The following RCE1 variants were observed in gnomAD, a reference collection of about 807,000 sequenced individuals.
RCE1 encodes the protein Ras converting CAAX endopeptidase 1, also known as CAAX prenyl protease 2.
Under a neutral mutation model 35.0 loss-of-function variants are expected in RCE1, and 15 were observed. The observed-to-expected ratio is 0.43, with a 90% CI of 0.29 to 0.66. The LOEUF (loss-of-function observed/expected upper bound fraction) is 0.66. Among genes scored for constraint, RCE1 ranks in the 30% least tolerant of loss-of-function variants. The probability of loss-of-function intolerance (pLI) is 0.17; values close to 1 mark genes in which losing one functional copy is unlikely to be tolerated. For synonymous variants in RCE1, 261 were observed against 192.7 expected, an observed-to-expected ratio of 1.35 and a Z score of -2.94; for missense variants, 434 against 433.0, an observed-to-expected ratio of 1.00 and a Z score of -0.02.
chr11:66,843,821 C>T lies in RCE1; in HGVS notation c.248C>T (p.Pro83Leu), dbSNP rs765013990. The change falls in exon 2 of 8, where the codon CCC (proline) becomes CTC (leucine). Residue 83 changes from proline to leucine, a missense_variant. Coordinates refer to ENST00000309657, the MANE Select transcript of RCE1 (RefSeq NM_005133.3). ...GTCCTGGTGGTGTCCAGTCTCTCAC[C>T]CCTGTGCGTGCTGCTCTGGAGGGAA... is the stretch of plus-strand genomic sequence containing the variant. Reference protein sequence around the residue: ...TSVLVVSSLSPLCVLLWRELT... With the variant: ...TSVLVVSSLSLLCVLLWRELT... 7 of 1,614,102 alleles carry T rather than the reference C, an allele frequency of 4.3e-6. No individual in the cohort carries two copies. The highest frequency in any genetic ancestry group is 2.7e-5 in the African/African-American group (2 of 75,068).
chr11:66,843,755 G>T lies in RCE1; in HGVS notation c.186-4G>T, dbSNP rs777260015. ...GCCCCCTGAACTTACTGTCCCCTCC[G>T]TAGGGACCATCCCGCGGTCATCAAG... On this transcript the variant is annotated splice_polypyrimidine_tract_variant and splice_region_variant and intron_variant, in intron 1 of 7. Coordinates refer to ENST00000309657, the MANE Select transcript of RCE1 (RefSeq NM_005133.3). 11 of 1,613,328 alleles carry T rather than the reference G, an allele frequency of 6.8e-6. No homozygotes were observed. Among genetic ancestry groups the T allele is most frequent in the Non-Finnish European group, 9.3e-6 (11 of 1,179,924 alleles).
In RCE1 at chr11:66,844,820, ACTGT is replaced by A. The variant is rs774208661; in HGVS notation, c.452-45_452-42del. 1.4e-5 allele frequency: 21 copies of A among 1,496,400 alleles called. No individual in the cohort carries two copies. The Admixed American group carries it at 1.7e-4, about 12-fold the overall frequency. The allele number at this position is 1,496,400 out of a possible 1,614,324, so 92.7% of individuals were successfully genotyped here. A position where few individuals can be genotyped will look rare whatever the true frequency, so the allele number is the denominator to read the frequency against. On this transcript the variant is annotated intron_variant, in intron 4 of 7. Transcript: ENST00000309657. The stretch of plus-strand genomic sequence containing the variant: ...GAGCCCTTGGAGCCTCTGGGGTCTC[ACTGT>A]CTGACAGCCCGTCACTCACAGCTTG...
At position 66,845,214 on chromosome 11, in the gene RCE1, T is replaced by TG; in HGVS notation, c.672dup (p.Asn225GlufsTer144). On this transcript the variant is annotated frameshift_variant, in exon 6 of 8. Transcript: ENST00000309657. LOFTEE classifies it high-confidence loss of function. ...CAGCTGCGTTTCCGCCAGAGCAGCG[T>TG]GGGGAACATCTTCTTGTCTGCTGGT... 6.2e-7 allele frequency: 1 copy of TG among 1,614,216 alleles called. No individual in the cohort carries two copies. The highest frequency in any genetic ancestry group is 8.5e-7 in the Non-Finnish European group (1 of 1,180,036).
rs1945208376 is a variant in RCE1 at position 66,846,286 on chromosome 11, A to G, written c.*191A>G. ...TATCCAAAGGGTGCAGCCCCTTTTG[A>G]AAGGGGTGTTTACGAGCAGCTGTGA... On this transcript the variant is annotated 3_prime_UTR_variant, in exon 8 of 8. Coordinates refer to ENST00000309657, the MANE Select transcript of RCE1 (RefSeq NM_005133.3). The G allele has an allele frequency of 5.7e-6, 4 of 697,128 alleles. No individual in the cohort carries two copies. The highest frequency in any genetic ancestry group is 6.7e-6 in the Non-Finnish European group (3 of 444,760). The allele number at this position is 697,128 out of a possible 1,614,324, so 43.2% of individuals were successfully genotyped here.
rs1945213102 is a variant in RCE1, at chr11:66,846,505, T to TAA, written c.*412_*413dup. On this transcript the variant is annotated 3_prime_UTR_variant, in exon 8 of 8. Coordinates refer to ENST00000309657, the MANE Select transcript of RCE1 (RefSeq NM_005133.3). Reference sequence around the variant, plus strand: ...GCATCAGTACTTTGTATTGGGATATTAAAGAGATTTAACTTGGGTAACATG... The same window carrying TAA: ...GCATCAGTACTTTGTATTGGGATATTAAAAAGAGATTTAACTTGGGTAACATG... 1 of 158,814 alleles carries TAA rather than the reference T, an allele frequency of 6.3e-6. No homozygotes were observed. The highest frequency in any genetic ancestry group is 1.3e-5 in the Non-Finnish European group (1 of 74,862). 9.8% of individuals were successfully genotyped at this position (158,814 alleles called of 1,614,324 possible).
Position 66,843,820 on chromosome 11 carries a change from C to A in RCE1, c.247C>A (p.Pro83Thr). The change falls in exon 2 of 8, where the codon CCC becomes ACC. Residue 83 changes from proline to threonine, a missense_variant. By Grantham distance (38) the Pro-to-Thr change is conservative. Transcript: ENST00000309657. ...TSVLVVSSLS[P>T]LCVLLWRELT... ...CGTCCTGGTGGTGTCCAGTCTCTCACCCCTGTGCGTGCTGCTCTGGAGGGA... is the reference window on the plus strand; with the variant it reads ...CGTCCTGGTGGTGTCCAGTCTCTCAACCCTGTGCGTGCTGCTCTGGAGGGA... 1 of 1,614,078 alleles carries A rather than the reference C, an allele frequency of 6.2e-7. No individual in the cohort carries two copies. Among genetic ancestry groups the A allele is most frequent in the Non-Finnish European group, 8.5e-7 (1 of 1,180,030 alleles).
chr11:66,844,420 C>T (rs1050044797), intron 4 of RCE1, 56 bp downstream of exon 4: 23 of 1,602,440 alleles, frequency 1.4e-5, no homozygotes, highest in East Asian at 2.2e-5. Flanking sequence ...GACATTGGGG[C>T]AGGGAGTCAG....
chr11:66,844,609 C>A, intron 4 of RCE1: 1 of 725,554 alleles, frequency 1.4e-6, no homozygotes, highest in African/African-American at 1.8e-5. Flanking sequence ...CCCCTGCTTC[C>A]CCAACCAGAG....
At chr11:66,844,256 G>A (rs1295890955) in intron 3 of RCE1, 30 bp from the exon 4 acceptor site, 1 of 1,614,072 alleles carries the variant, frequency 6.2e-7, no homozygotes, top group South Asian at 1.1e-5. Context: ...AAAGCGGTGG[G>A]TTATGGTGAA....
intron 6 of RCE1, 118 bp downstream of exon 6, chr11:66,845,355 G>A (rs1056954597): frequency 3.2e-6 from 5 of 1,583,336 alleles, no homozygotes; most frequent in Non-Finnish European, 4.3e-6. Flanking sequence ...ACCGTGGGAA[G>A]TTGGGGTGCA....
intron 3 of RCE1, 74 bp from the exon 4 acceptor site, chr11:66,844,211 TG>T: frequency 1.9e-6 from 3 of 1,606,006 alleles, no homozygotes; most frequent in Non-Finnish European, 1.7e-6. Flanking sequence ...ATTTCAAGCT[TG>T]GAGTCTCAGG....
chr11:66,845,991 C>G lies in RCE1; in HGVS notation c.886C>G (p.Leu296Val), dbSNP rs534865356. 4 of 1,613,948 alleles carry G rather than the reference C, an allele frequency of 2.5e-6. No homozygotes were observed. Among genetic ancestry groups the G allele is most frequent in the African/African-American group, 2.7e-5 (2 of 75,070 alleles). ...CTATGCCCTGGGTGTGGGACTCTTCCTGCTTCTGCTCCAGCCCCTCACGGA... is the reference window on the plus strand; with the variant it reads ...CTATGCCCTGGGTGTGGGACTCTTCGTGCTTCTGCTCCAGCCCCTCACGGA... ...AGYALGVGLF[L>V]LLLQPLTDPK... Residue 296 changes from leucine to valine, a missense_variant, in exon 8 of 8, where the codon CTG becomes GTG. Transcript: ENST00000309657.
Position 66,844,869 on chromosome 11 carries a change from C to A in RCE1, c.452C>A (p.Ala151Asp). 1 of 1,526,832 alleles carries A rather than the reference C, an allele frequency of 6.5e-7. No individual in the cohort carries two copies. The allele number at this position is 1,526,832 out of a possible 1,614,324, so 94.6% of individuals were successfully genotyped here. Residue 151 changes from alanine to aspartate, a missense_variant and splice_region_variant, in exon 5 of 8, where the codon GCC becomes GAC. Ala to Asp is a moderately radical substitution (Grantham distance 126). Coordinates refer to ENST00000309657, the MANE Select transcript of RCE1 (RefSeq NM_005133.3). ...DLADGLKVVL[A>D]PRSWARCLTD... Reference sequence around the variant, plus strand: ...AGCTTGTCCTGAATTCCCTCTGCAGCCCCCCGCTCCTGGGCCCGCTGCCTC... The same window carrying A: ...AGCTTGTCCTGAATTCCCTCTGCAGACCCCCGCTCCTGGGCCCGCTGCCTC...
intron 3 of RCE1, 76 bp from the exon 4 acceptor site, chr11:66,844,210 T>C: frequency 6.2e-7 from 1 of 1,605,872 alleles, no homozygotes; most frequent in East Asian, 2.2e-5. Context: ...GATTTCAAGC[T>C]TGGAGTCTCA....
rs1696382328 is a variant in RCE1 at position 66,846,166 on chromosome 11, G to C, written c.*71G>C. 2.0e-6 allele frequency: 3 copies of C among 1,498,792 alleles called. No homozygotes were observed. Among genetic ancestry groups the C allele is most frequent in the Non-Finnish European group, 2.7e-6 (3 of 1,129,414 alleles). The allele number at this position is 1,498,792 out of a possible 1,614,324, so 92.8% of individuals were successfully genotyped here. ...CTCCCCACCAAGGGGTACTGCAGGGGAAGGGCTGGCTGGGGTCCCCGAGAT... is the reference window on the plus strand; with the variant it reads ...CTCCCCACCAAGGGGTACTGCAGGGCAAGGGCTGGCTGGGGTCCCCGAGAT... On this transcript the variant is annotated 3_prime_UTR_variant, in exon 8 of 8. Coordinates refer to ENST00000309657, the MANE Select transcript of RCE1 (RefSeq NM_005133.3).
At position 66,845,226 on chromosome 11, in the gene RCE1, T is replaced by C; in HGVS notation, c.680T>C (p.Phe227Ser). The C allele has an allele frequency of 6.2e-7, 1 of 1,614,224 alleles. No homozygotes were observed. Among genetic ancestry groups the C allele is most frequent in the Non-Finnish European group, 8.5e-7 (1 of 1,180,042 alleles). ...RFRQSSVGNI[F>S]LSAAFQFSYT... The stretch of plus-strand genomic sequence containing the variant: ...CGCCAGAGCAGCGTGGGGAACATCT[T>C]CTTGTCTGCTGGTGAGTCCTGGCTA... Residue 227 changes from phenylalanine to serine, a missense_variant, in exon 6 of 8, where the codon TTC (phenylalanine) becomes TCC (serine). Transcript: ENST00000309657.
Position 66,844,982 on chromosome 11 carries a change from C to T in RCE1, c.565C>T (p.Pro189Ser), listed in dbSNP as rs755690406. 2.5e-6 allele frequency: 4 copies of T among 1,606,000 alleles called. No individual in the cohort carries two copies. The highest frequency in any genetic ancestry group is 2.7e-5 in the African/African-American group (2 of 74,696). The change falls in exon 5 of 8, where the codon CCG (proline) becomes TCG (serine). Residue 189 changes from proline (P) to serine (S), a missense_variant. Pro to Ser is a moderately conservative substitution (Grantham distance 74). Coordinates refer to ENST00000309657, the MANE Select transcript of RCE1 (RefSeq NM_005133.3). Reference protein sequence around the residue: ...FRACMLPMLAPCMGLGPAVFT... With the variant: ...FRACMLPMLASCMGLGPAVFT... ...GGCCTGTATGCTGCCCATGTTAGCA[C>T]CGTGCATGGGCCTGGGCCCTGCTGT...
At chr11:66,844,255 G>A (rs771709379) in intron 3 of RCE1, 31 bp from the exon 4 acceptor site, 3 of 1,614,024 alleles carry the variant, frequency 1.9e-6, no homozygotes, top group Admixed American at 3.3e-5. Flanking sequence ...AAAAGCGGTG[G>A]GTTATGGTGA....
intron 3 of RCE1, 78 bp downstream of exon 3, chr11:66,844,117 G>A: frequency 6.2e-7 from 1 of 1,607,856 alleles, no homozygotes; most frequent in Non-Finnish European, 8.5e-7. Flanking sequence ...CTTGTTTTTG[G>A]TTTTTGGTTG....
Sources: gnomAD v4.1 joint callset for allele counts on GRCh38, gnomAD v4.1.1 for gene constraint, MANE v1.5 for transcripts, NCBI Gene and HGNC (gene_info 2026-07-23, HGNC 2026-07-21) for gene names.